LHFPL3: variants seen among roughly 807,000 people sequenced by gnomAD.
LHFPL3 encodes LHFPL tetraspan subfamily member 3 protein.
A neutral mutation model predicts 19.3 loss-of-function variants in LHFPL3; 5 were observed. The ratio of observed to expected loss-of-function variants is 0.26; its 90% confidence interval spans 0.14 to 0.54. The LOEUF is 0.54. Among genes scored for constraint, LHFPL3 ranks in the 20% least tolerant of loss-of-function variants. The pLI is 0.94. For synonymous variants in LHFPL3, 133 were observed against 126.2 expected (o/e 1.05, Z -0.36); for missense variants, 249 against 307.4 (o/e 0.81, Z 1.42).
chr7:104,737,283 G>T (rs569743031), intron 2 of LHFPL3, among the ~76,000 whole-genome samples: 9 of 152,116 alleles, frequency 5.9e-5, no homozygotes, highest in Admixed American at 4.6e-4. Flanking sequence ...CATGTATTCA[G>T]CTATGTTTCA....
At chr7:104,887,968 G>A (rs1235119066) in intron 2 of LHFPL3, among the ~76,000 whole-genome samples, 1 of 152,152 alleles carries the variant, frequency 6.6e-6, no homozygotes, top group Non-Finnish European at 1.5e-5. Flanking sequence ...AAGTTACAAA[G>A]AGAAGCAGAT....
intron 1 of LHFPL3, among the ~76,000 whole-genome samples, chr7:104,593,184 A>G (rs1301034976): frequency 6.6e-6 from 1 of 152,022 alleles, no homozygotes; most frequent in African/African-American, 2.4e-5. Flanking sequence ...TTAGTGCTAT[A>G]AATTTCCCTG....
chr7:104,667,965 C>G lies in LHFPL3; in HGVS notation c.446-68710C>G. 1.9e-6 allele frequency: 3 copies of G among 1,613,438 alleles called. No individual in the cohort carries two copies. The South Asian group carries it at 3.3e-5, about 18-fold the overall frequency. Reference sequence around the variant, plus strand: ...GGCGCCTCCAATTGACCGTTCCATCCTTCCCACTGCTCCACGGGCTGCTCG... The same window carrying G: ...GGCGCCTCCAATTGACCGTTCCATCGTTCCCACTGCTCCACGGGCTGCTCG... On this transcript the variant is annotated intron_variant, in intron 1 of 2. Coordinates refer to ENST00000424859, the MANE Select transcript of LHFPL3 (RefSeq NM_199000.3).
intron 1 of LHFPL3, among the ~76,000 whole-genome samples, chr7:104,689,819 G>A (rs1792876048): frequency 6.6e-6 from 1 of 152,080 alleles, no homozygotes; most frequent in Non-Finnish European, 1.5e-5. Context: ...TTTAGCTCAG[G>A]TCCAACTTAC....
At chr7:104,849,553 G>T (rs529791702) in intron 2 of LHFPL3, among the ~76,000 whole-genome samples, 1 of 152,264 alleles carries the variant, frequency 6.6e-6, no homozygotes, top group South Asian at 2.1e-4. Flanking sequence ...TAAGAGAAAA[G>T]GCATATAAAT....
At chr7:104,463,410 A>G (rs10234802) in intron 1 of LHFPL3, among the ~76,000 whole-genome samples, 27,729 of 152,202 alleles carry the variant, frequency 0.18, 2,561 homozygotes, top group African/African-American at 0.22. Context: ...CCTTAGCTGT[A>G]TCCCAGAGAT....
chr7:104,532,782 G>A (rs561257102), intron 1 of LHFPL3, among the ~76,000 whole-genome samples: 1 of 152,142 alleles, frequency 6.6e-6, no homozygotes, highest in African/African-American at 2.4e-5. Flanking sequence ...TCTTAGCATA[G>A]ACATATACAT....
intron 2 of LHFPL3, among the ~76,000 whole-genome samples, chr7:104,872,921 G>A (rs181797986): frequency 3.9e-5 from 6 of 152,304 alleles, no homozygotes; most frequent in Non-Finnish European, 8.8e-5. Flanking sequence ...CAAGTATTAT[G>A]TACTGTACAT....
rs562330026 is a variant in LHFPL3, at chr7:104,616,184, A to G, written c.446-120491A>G. Reference sequence around the variant, plus strand: ...AAAAAGAGCCCATATAGCCAAGACAATCCTAAGCAAAAAGAACAAAGCTGG... The same window carrying G: ...AAAAAGAGCCCATATAGCCAAGACAGTCCTAAGCAAAAAGAACAAAGCTGG... On this transcript the variant is annotated intron_variant, in intron 1 of 2. Coordinates refer to ENST00000424859, the MANE Select transcript of LHFPL3 (RefSeq NM_199000.3). Among the ~76,000 whole-genome samples the G allele has an allele frequency of 1.6e-3, 243 of 152,314 alleles. 2 individuals are homozygous for G. Among genetic ancestry groups the G allele is most frequent in the African/African-American group, 5.1e-3 (214 of 41,568 alleles).
chr7:104,670,696 GA>G (rs1442214968), intron 1 of LHFPL3, among the ~76,000 whole-genome samples: 1 of 152,120 alleles, frequency 6.6e-6, no homozygotes, highest in African/African-American at 2.4e-5. Context: ...GAGTGCTCTA[GA>G]ATAATGGATG....
intron 1 of LHFPL3, among the ~76,000 whole-genome samples, chr7:104,381,735 C>G (rs190126535): frequency 2.6e-5 from 4 of 152,210 alleles, no homozygotes; most frequent in Non-Finnish European, 4.4e-5. Flanking sequence ...CCTGATGAAT[C>G]TCTAATCATC....
chr7:104,473,091 A>G (rs1398107950), intron 1 of LHFPL3, among the ~76,000 whole-genome samples: 1 of 152,240 alleles, frequency 6.6e-6, no homozygotes, highest in Non-Finnish European at 1.5e-5. Flanking sequence ...TGAAATGGAG[A>G]ACTGTTTTCA....
intron 1 of LHFPL3, among the ~76,000 whole-genome samples, chr7:104,632,134 G>C (rs1202000120): frequency 6.6e-6 from 1 of 152,146 alleles, no homozygotes; most frequent in African/African-American, 2.4e-5. Context: ...AAAGAGACCA[G>C]GCTCAACCTT....
chr7:104,789,003 G>C (rs1000031085), intron 2 of LHFPL3, among the ~76,000 whole-genome samples: 1 of 152,206 alleles, frequency 6.6e-6, no homozygotes, highest in Non-Finnish European at 1.5e-5. Context: ...AGCAATTGCT[G>C]CTTCTTGGTA....
At chr7:104,769,201 A>G (rs529928133) in intron 2 of LHFPL3, among the ~76,000 whole-genome samples, 18 of 152,252 alleles carry the variant, frequency 1.2e-4, no homozygotes, top group African/African-American at 4.3e-4. Flanking sequence ...GTTTGAGCAG[A>G]GAGGCCTATG....
intron 1 of LHFPL3, among the ~76,000 whole-genome samples, chr7:104,478,785 T>G (rs1038258589): frequency 1.3e-5 from 2 of 152,202 alleles, no homozygotes; most frequent in East Asian, 3.8e-4. Flanking sequence ...AGCTCTCAAC[T>G]ATTAGGTCTT....
At chr7:104,617,718 A>C (rs1791373450) in intron 1 of LHFPL3, among the ~76,000 whole-genome samples, 1 of 151,970 alleles carries the variant, frequency 6.6e-6, no homozygotes, top group South Asian at 2.1e-4. Context: ...AAAGCTCACT[A>C]CTCTGTAGCT....
intron 1 of LHFPL3, among the ~76,000 whole-genome samples, chr7:104,720,454 GC>G (rs1429773378): frequency 6.6e-6 from 1 of 152,106 alleles, no homozygotes. Context: ...GAAAACCTAG[GC>G]AATACAATTC....
chr7:104,581,040 C>T (rs572473359), intron 1 of LHFPL3, among the ~76,000 whole-genome samples: 9 of 152,024 alleles, frequency 5.9e-5, no homozygotes, highest in Non-Finnish European at 1.3e-4. Context: ...TGGTAAGAAG[C>T]TAGGAATGGA....
Sources: gnomAD v4.1 joint callset for allele counts (sites outside exome capture counted in the v4.1 genomes callset) on GRCh38, gnomAD v4.1.1 for gene constraint, MANE v1.5 for transcripts, NCBI Gene and HGNC (gene_info 2026-07-23, HGNC 2026-07-21) for gene names.